The following ZNF236 variants were observed in gnomAD, a reference collection of about 807,000 sequenced individuals.
ZNF236 encodes the protein regulated by glucose.
A neutral mutation model predicts 191.2 loss-of-function variants in ZNF236; 50 were observed. That is an observed-to-expected ratio of 0.26 (90% confidence interval 0.21 to 0.33). The LOEUF (loss-of-function observed/expected upper bound fraction) is 0.33. Ranked by LOEUF, ZNF236 falls within the 10% of genes least tolerant of loss-of-function variation. The pLI is 1.00. For missense variants in ZNF236, 1,754 were observed against 2,374.5 expected, an observed-to-expected ratio of 0.74 and a Z score of 5.43; for synonymous variants, 907 against 928.8, an observed-to-expected ratio of 0.98 and a Z score of 0.43.
rs533658631 is a variant in ZNF236, at chr18:76,951,208, C to A, written c.4914+3556C>A. Among the ~76,000 whole-genome samples the A allele has an allele frequency of 2.0e-5, 3 of 152,282 alleles. No homozygotes were observed. The South Asian group carries it at 6.2e-4, about 32-fold the overall frequency. On this transcript the variant is annotated intron_variant, in intron 27 of 30. Transcript: ENST00000320610. Reference sequence around the variant, plus strand: ...ACTTAAAGTCACTAGCTGCACTAGCCCCTCACAAGAGAGTCAGCCTGTCCT... The same window carrying A: ...ACTTAAAGTCACTAGCTGCACTAGCACCTCACAAGAGAGTCAGCCTGTCCT...
rs1193369138 is a variant in ZNF236, at chr18:76,970,914, C to T, written c.*2575C>T. On this transcript the variant is annotated 3_prime_UTR_variant, in exon 31 of 31. Coordinates refer to ENST00000320610, the MANE Select transcript of ZNF236 (RefSeq NM_001306089.2). ...TCAGACTTTCAAAATCAGGGCATGG[C>T]TCCGCGACAGCGAGCCGTGGGCGTC... Among the ~76,000 whole-genome samples, 1 of 152,260 alleles carries T rather than the reference C, an allele frequency of 6.6e-6. No homozygotes were observed. The highest frequency in any genetic ancestry group is 1.5e-5 in the Non-Finnish European group (1 of 68,050).
intron 1 of ZNF236, among the ~76,000 whole-genome samples, chr18:76,847,374 C>A (rs148474378): frequency 3.2e-4 from 48 of 152,268 alleles, no homozygotes; most frequent in African/African-American, 1.1e-3. Flanking sequence ...TTCCTAACCT[C>A]GAAGCTGTTT....
Position 76,880,641 on chromosome 18 carries a change from T to C in ZNF236, c.1188+325T>C, listed in dbSNP as rs1426780484. Among the ~76,000 whole-genome samples the C allele has an allele frequency of 6.6e-6, 1 of 152,202 alleles. No homozygotes were observed. Among genetic ancestry groups the C allele is most frequent in the Non-Finnish European group, 1.5e-5 (1 of 68,032 alleles). The stretch of plus-strand genomic sequence containing the variant: ...GGTGGAAAAAGCGTTTTATTCTTTC[T>C]TGAGGTTCTGGTTTATGATTTGGAG... On this transcript the variant is annotated intron_variant, in intron 8 of 30. Transcript: ENST00000320610. The surrounding 1 kb of genome is among the most constrained non-coding windows in gnomAD (Gnocchi z 5.0).
intron 1 of ZNF236, among the ~76,000 whole-genome samples, chr18:76,825,611 CTA>C (rs1457613288): frequency 2.6e-5 from 4 of 151,576 alleles, no homozygotes; most frequent in Non-Finnish European, 5.9e-5. Context: ...CCATTCTTAA[CTA>C]TTTTTGGGGA....
intron 1 of ZNF236, among the ~76,000 whole-genome samples, chr18:76,837,127 T>TCCCCCCCCCCCCCCCCCC (rs57114708): frequency 1.9e-4 from 7 of 37,064 alleles, no homozygotes; most frequent in Admixed American, 3.3e-4. Flanking sequence ...CCGCACCCCC[T>TCCCCCCCCCCCCCCCCCC]CCCCCCCCCC....
chr18:76,847,565 A>C (rs1199625447), intron 1 of ZNF236, among the ~76,000 whole-genome samples: 2 of 151,950 alleles, frequency 1.3e-5, no homozygotes, highest in Non-Finnish European at 2.9e-5. Context: ...TCCCAGGTTC[A>C]CGCCTTTCTC....
Position 76,849,508 on chromosome 18 carries a change from A to G in ZNF236, c.56-18A>G, listed in dbSNP as rs1444246733. 4 of 1,595,138 alleles carry G rather than the reference A, an allele frequency of 2.5e-6. No homozygotes were observed. Among genetic ancestry groups the G allele is most frequent in the African/African-American group, 2.7e-5 (2 of 73,806 alleles). On this transcript the variant is annotated intron_variant, in intron 1 of 30. Coordinates refer to ENST00000320610, the MANE Select transcript of ZNF236 (RefSeq NM_001306089.2). Reference sequence around the variant, plus strand: ...ATAACAACTGGTATTTATTGTCTATACTTATGCAATTTTATAGATGGAGTT... The same window carrying G: ...ATAACAACTGGTATTTATTGTCTATGCTTATGCAATTTTATAGATGGAGTT...
intron 9 of ZNF236, chr18:76,888,583 G>A (rs949744094): frequency 2.0e-5 from 3 of 152,382 alleles, no homozygotes; most frequent in African/African-American, 7.2e-5. Flanking sequence ...GAAAGACTTT[G>A]TGTCACCCTG....
At chr18:76,938,050 A>G (rs181938136) in intron 26 of ZNF236, among the ~76,000 whole-genome samples, 2 of 152,270 alleles carry the variant, frequency 1.3e-5, no homozygotes, top group East Asian at 1.9e-4. Flanking sequence ...TGTGATTTCT[A>G]TGTGTCTGTT....
intron 3 of ZNF236, among the ~76,000 whole-genome samples, chr18:76,868,130 G>C (rs1390852590): frequency 1.3e-5 from 2 of 152,222 alleles, no homozygotes; most frequent in Non-Finnish European, 2.9e-5. Context: ...GTGTGCTGCA[G>C]TTACCCCACG....
In ZNF236 at chr18:76,971,858, A is replaced by T. The variant is rs140454362; in HGVS notation, c.*3519A>T. Among the ~76,000 whole-genome samples, 380 of 152,348 alleles carry T rather than the reference A, an allele frequency of 2.5e-3. 3 individuals carry two copies. The highest frequency in any genetic ancestry group is 8.8e-3 in the African/African-American group (366 of 41,570). On this transcript the variant is annotated 3_prime_UTR_variant, in exon 31 of 31. Transcript: ENST00000320610. ...GATATATAGAACTGCTTTCTAGTGT[A>T]TATTAAGGCTATCTCATGCCTGCTT...
intron 4 of ZNF236, among the ~76,000 whole-genome samples, chr18:76,869,768 C>G (rs920779474): frequency 2.0e-5 from 3 of 152,078 alleles, no homozygotes; most frequent in Non-Finnish European, 4.4e-5. Context: ...CCAGCCTAGC[C>G]AACATGGTGA....
At chr18:76,823,460 C>G (rs1261745229) in intron 1 of ZNF236, among the ~76,000 whole-genome samples, 1 of 150,518 alleles carries the variant, frequency 6.6e-6, no homozygotes, top group Non-Finnish European at 1.5e-5. Context: ...ATCCGGGTAG[C>G]TTGAACCTGG....
intron 20 of ZNF236, among the ~76,000 whole-genome samples, chr18:76,921,244 G>T (rs1259181025): frequency 6.6e-6 from 1 of 152,154 alleles, no homozygotes; most frequent in Non-Finnish European, 1.5e-5. Context: ...GACAATGAGG[G>T]AGGTCACTGG....
rs1164743398 is a variant in ZNF236 at position 76,919,653 on chromosome 18, A to G, written c.3275-123A>G. 4 of 1,214,490 alleles carry G rather than the reference A, an allele frequency of 3.3e-6. No homozygotes were observed. The African/African-American group carries it at 6.1e-5, about 19-fold the overall frequency. 75.2% of individuals were successfully genotyped at this position (1,214,490 alleles called of 1,614,324 possible). Reference sequence around the variant, plus strand: ...AAATATAGCAACTCTCTACCATCATAAAAATAGCTTGGTTGAGTTATTAAT... The same window carrying G: ...AAATATAGCAACTCTCTACCATCATGAAAATAGCTTGGTTGAGTTATTAAT... On this transcript the variant is annotated intron_variant, in intron 19 of 30. Coordinates refer to ENST00000320610, the MANE Select transcript of ZNF236 (RefSeq NM_001306089.2). This position sits in a 1 kb window ranked among gnomAD's most constrained non-coding sequence, Gnocchi z 5.3.
chr18:76,847,918 T>C (rs1013227218), intron 1 of ZNF236, among the ~76,000 whole-genome samples: 2 of 152,250 alleles, frequency 1.3e-5, no homozygotes, highest in Non-Finnish European at 2.9e-5. Flanking sequence ...TATCTTTTTC[T>C]TAGTAGACTC....
intron 18 of ZNF236, among the ~76,000 whole-genome samples, chr18:76,915,327 A>T (rs1272756701): frequency 1.3e-5 from 2 of 152,136 alleles, no homozygotes; most frequent in Non-Finnish European, 2.9e-5. Flanking sequence ...GTAAAAGACC[A>T]AGGAGAGAGG....
intron 2 of ZNF236, among the ~76,000 whole-genome samples, chr18:76,849,931 A>G (rs947767659): frequency 5.9e-5 from 9 of 152,260 alleles, no homozygotes; most frequent in African/African-American, 1.9e-4. Context: ...TTTAAAAAAT[A>G]TGACTTTTTA....
rs2122961267 is a variant in ZNF236 at position 76,959,725 on chromosome 18, C to T, written c.5151C>T (p.Ser1717=). The part of the protein sequence containing the change: ...MQTHQAGPSL[S]SQKPRVFKCD... The stretch of plus-strand genomic sequence containing the variant: ...CACACCAGGCCGGCCCCTCTTTGAG[C>T]TCCCAGAAGCCAAGAGTGTTTAAAT... The change falls in exon 29 of 31, where the codon AGC becomes AGT. Residue 1717 remains serine, a synonymous_variant. Coordinates refer to ENST00000320610, the MANE Select transcript of ZNF236 (RefSeq NM_001306089.2). 1 of 1,613,900 alleles carries T rather than the reference C, an allele frequency of 6.2e-7. No individual in the cohort carries two copies. Among genetic ancestry groups the T allele is most frequent in the Non-Finnish European group, 8.5e-7 (1 of 1,179,902 alleles).
Sources: allele counts gnomAD v4.1 joint callset (sites outside exome capture counted in the v4.1 genomes callset), GRCh38; gene constraint gnomAD v4.1.1; non-coding constraint Gnocchi (gnomAD v3.1); transcripts MANE v1.5; gene names NCBI Gene and HGNC (gene_info 2026-07-23, HGNC 2026-07-21).